YTHDC2: variants seen among roughly 807,000 people sequenced by gnomAD.
YTHDC2 encodes 3'-5' RNA helicase YTHDC2.
In YTHDC2, 45 loss-of-function variants were observed where a neutral mutation model predicts 174.9. The observed-to-expected ratio is 0.26, with a 90% CI of 0.20 to 0.33. The LOEUF (loss-of-function observed/expected upper bound fraction) is 0.33. Ranked by LOEUF, YTHDC2 falls within the 10% of genes least tolerant of loss-of-function variation. YTHDC2 has a pLI of 1.00. For missense variants in YTHDC2, 1,650 were observed against 1,723.7 expected (o/e 0.96, Z 0.76); for synonymous variants, 657 against 574.5 (o/e 1.14, Z -2.05).
intron 26 of YTHDC2, among the ~76,000 whole-genome samples, chr5:113,586,462 T>A (rs891683171): frequency 2.6e-5 from 4 of 151,994 alleles, no homozygotes; most frequent in Non-Finnish European, 5.9e-5. Flanking sequence ...ATGTGGCTTG[T>A]CTTTCCATTT....
chr5:113,568,007 A>G (rs1777460096), intron 23 of YTHDC2, among the ~76,000 whole-genome samples, 158 bp downstream of exon 23: 2 of 152,116 alleles, frequency 1.3e-5, no homozygotes, highest in Non-Finnish European at 2.9e-5. Context: ...ATACTAAGGT[A>G]TACTACTGTT....
At chr5:113,557,261 T>C (rs552127298) in intron 17 of YTHDC2, among the ~76,000 whole-genome samples, 1 of 152,318 alleles carries the variant, frequency 6.6e-6, no homozygotes, top group South Asian at 2.1e-4. Flanking sequence ...AAAGATAACA[T>C]TAAAAAGTAT....
Position 113,513,918 on chromosome 5 carries a change from C to T in YTHDC2, c.23C>T (p.Ser8Phe), listed in dbSNP as rs934276337. MSRPSSV[S>F]PRQPAPGGGG... ...GCAATGTCCAGGCCGAGCAGCGTCTCCCCGCGGCAGCCGGCTCCTGGCGGT... is the reference window on the plus strand; with the variant it reads ...GCAATGTCCAGGCCGAGCAGCGTCTTCCCGCGGCAGCCGGCTCCTGGCGGT... Residue 8 changes from serine (S) to phenylalanine (F), a missense_variant, in exon 1 of 30, where the codon TCC becomes TTC. Physicochemically the swap from Ser to Phe is radical, Grantham distance 155. This residue lies in a region of YTHDC2 where 304 missense variants were observed against 341.4 expected (regional missense o/e 0.89). Coordinates refer to ENST00000161863, the MANE Select transcript of YTHDC2 (RefSeq NM_022828.5). 6.2e-7 allele frequency: 1 copy of T among 1,605,564 alleles called. No individual in the cohort carries two copies. Among genetic ancestry groups the T allele is most frequent in the African/African-American group, 1.3e-5 (1 of 74,652 alleles).
rs546581811 is a variant in YTHDC2 at position 113,515,180 on chromosome 5, A to T, written c.188-92A>T. 10 of 808,216 alleles carry T rather than the reference A, an allele frequency of 1.2e-5. No individual in the cohort carries two copies. The East Asian group carries it at 2.0e-4, about 16-fold the overall frequency. The allele number at this position is 808,216 out of a possible 1,614,324, so 50.1% of individuals were successfully genotyped here. A position where few individuals can be genotyped will look rare whatever the true frequency, so the allele number is the denominator to read the frequency against. The stretch of plus-strand genomic sequence containing the variant: ...TAAAGTATAATAAATTTGATTGTCT[A>T]TGTATGTTTTTCATATTTTGTATCT... On this transcript the variant is annotated intron_variant, in intron 1 of 29. Coordinates refer to ENST00000161863, the MANE Select transcript of YTHDC2 (RefSeq NM_022828.5).
chr5:113,563,949 G>A lies in YTHDC2; in HGVS notation c.2533G>A (p.Val845Ile). ...AGTAGAACCACATCTTGGTAAAATGGTCTTGTGTGCTGTTGTTTTAAAGTG... is the reference window on the plus strand; with the variant it reads ...AGTAGAACCACATCTTGGTAAAATGATCTTGTGTGCTGTTGTTTTAAAGTG... ...LPVEPHLGKM[V>I]LCAVVLKCLD... The change falls in exon 20 of 30, where the codon GTC becomes ATC. Residue 845 changes from valine to isoleucine, a missense_variant. This residue lies in a region of YTHDC2 where 913 missense variants were observed against 940.4 expected (regional missense o/e 0.97). Coordinates refer to ENST00000161863, the MANE Select transcript of YTHDC2 (RefSeq NM_022828.5). The A allele has an allele frequency of 6.2e-7, 1 of 1,614,126 alleles. No homozygotes were observed. The highest frequency in any genetic ancestry group is 8.5e-7 in the Non-Finnish European group (1 of 1,180,016).
In YTHDC2 at chr5:113,538,559, A is replaced by C. The variant is rs185674425; in HGVS notation, c.1103-515A>C. The stretch of plus-strand genomic sequence containing the variant: ...ATGCTGTTTTTCATCATCATTATAC[A>C]CTTTTTATTCTTTTCATATGGCTTT... On this transcript the variant is annotated intron_variant, in intron 7 of 29. Coordinates refer to ENST00000161863, the MANE Select transcript of YTHDC2 (RefSeq NM_022828.5). 2.6e-5 allele frequency among the ~76,000 whole-genome samples: 4 copies of C among 151,976 alleles called. No individual in the cohort carries two copies. In the East Asian group the frequency reaches 5.8e-4, roughly 22 times the overall value.
chr5:113,538,282 G>T (rs559408924), intron 7 of YTHDC2, among the ~76,000 whole-genome samples: 1 of 152,238 alleles, frequency 6.6e-6, no homozygotes, highest in South Asian at 2.1e-4. Context: ...CCATATTGCA[G>T]TCAGAGTGGT....
chr5:113,550,671 A>C (rs1208150997), intron 12 of YTHDC2, among the ~76,000 whole-genome samples: 1 of 152,098 alleles, frequency 6.6e-6, no homozygotes, highest in African/African-American at 2.4e-5. Context: ...AAATACTAAA[A>C]AGGAATGGCT....
At chr5:113,556,391 T>C (rs946339251) in intron 17 of YTHDC2, 3 of 263,212 alleles carry the variant, frequency 1.1e-5, no homozygotes, top group Non-Finnish European at 2.1e-5. Flanking sequence ...CCAAAAATTC[T>C]AAACATATGC....
chr5:113,590,796 A>G (rs1423097915), intron 26 of YTHDC2, among the ~76,000 whole-genome samples: 1 of 152,196 alleles, frequency 6.6e-6, no homozygotes, highest in Non-Finnish European at 1.5e-5. Flanking sequence ...GTATAAACCA[A>G]AGTTGGTACT....
At chr5:113,521,844 C>G (rs1231665089) in intron 2 of YTHDC2, among the ~76,000 whole-genome samples, 1 of 142,058 alleles carries the variant, frequency 7.0e-6, no homozygotes, top group Non-Finnish European at 1.5e-5. Flanking sequence ...AAAAGAAAAA[C>G]CCAGAAAAAT....
At position 113,594,826 on chromosome 5, in the gene YTHDC2, A is replaced by G. The variant is rs1779179039; in HGVS notation, c.*1352A>G. 1 of 152,226 alleles carries G rather than the reference A, an allele frequency of 6.6e-6. No homozygotes were observed. Among genetic ancestry groups the G allele is most frequent in the Non-Finnish European group, 1.5e-5 (1 of 68,042 alleles). The allele number at this position is 152,226 out of a possible 1,614,324, so 9.4% of individuals were successfully genotyped here. On this transcript the variant is annotated 3_prime_UTR_variant, in exon 30 of 30. Coordinates refer to ENST00000161863, the MANE Select transcript of YTHDC2 (RefSeq NM_022828.5). The stretch of plus-strand genomic sequence containing the variant: ...TTTTATATTTGAGAACACGTGAAAA[A>G]TCATGGGTCAACATAAAATCTTGAG...
intron 16 of YTHDC2, 115 bp from the exon 17 acceptor site, chr5:113,555,937 C>A: frequency 7.1e-6 from 4 of 561,428 alleles, no homozygotes; most frequent in East Asian, 3.0e-5. Flanking sequence ...ATTATTTAAT[C>A]AAGAGAGGAC....
At chr5:113,532,855 C>A (rs1024833069) in intron 4 of YTHDC2, 24 bp from the exon 5 acceptor site, 1 of 1,588,876 alleles carries the variant, frequency 6.3e-7, no homozygotes, top group East Asian at 2.2e-5. Context: ...TGTCATCTTA[C>A]AGTTTTTAAA....
chr5:113,545,598 G>C (rs1170580638), intron 10 of YTHDC2, among the ~76,000 whole-genome samples: 1 of 151,972 alleles, frequency 6.6e-6, no homozygotes, highest in Non-Finnish European at 1.5e-5. Flanking sequence ...TTGAAGAGCT[G>C]GCCAGGCTGG....
chr5:113,561,711 C>A (rs1306060636), intron 18 of YTHDC2, among the ~76,000 whole-genome samples: 1 of 152,056 alleles, frequency 6.6e-6, no homozygotes, highest in African/African-American at 2.4e-5. Context: ...TCATGATTCA[C>A]CCGCCTCAGC....
At position 113,579,566 on chromosome 5, in the gene YTHDC2, T is replaced by C. The variant is rs774935765; in HGVS notation, c.3245-20T>C. 2 of 1,544,360 alleles carry C rather than the reference T, an allele frequency of 1.3e-6. No individual in the cohort carries two copies. The highest frequency in any genetic ancestry group is 2.5e-5 in the South Asian group (2 of 80,066). ...GTAAGAAGGTAAAAGTGATTTTTTT[T>C]TCATTATGTACTTGGACAGTGGATG... On this transcript the variant is annotated intron_variant, in intron 23 of 29. Transcript: ENST00000161863.
intron 5 of YTHDC2, among the ~76,000 whole-genome samples, chr5:113,533,973 C>A (rs1774873792): frequency 6.6e-6 from 1 of 152,018 alleles, no homozygotes; most frequent in Non-Finnish European, 1.5e-5. Flanking sequence ...GCCTTCTTGA[C>A]AAGTAGTACT....
Position 113,564,091 on chromosome 5 carries a change from G to A in YTHDC2, c.2675G>A (p.Gly892Glu). 1.2e-6 allele frequency: 2 copies of A among 1,614,098 alleles called. No individual in the cohort carries two copies. The highest frequency in any genetic ancestry group is 1.1e-5 in the South Asian group (1 of 91,074). ...CTTTGTAGGAAACGTTTTACTGCAG[G>A]AGCTTTCAGTGACCATATGGCACTT... The part of the protein sequence containing the change: ...AMLCRKRFTA[G>E]AFSDHMALLR... The change falls in exon 20 of 30, where the codon GGA becomes GAA. Residue 892 changes from glycine (G) to glutamate (E), a missense_variant. Physicochemically the swap from Gly to Glu is moderately conservative, Grantham distance 98 (BLOSUM62 -2). Coordinates refer to ENST00000161863, the MANE Select transcript of YTHDC2 (RefSeq NM_022828.5).
Sources: gnomAD v4.1 joint callset for allele counts (sites outside exome capture counted in the v4.1 genomes callset) on GRCh38, gnomAD v4.1.1 for gene constraint, gnomAD v4.1.1 regional missense constraint, MANE v1.5 for transcripts, NCBI Gene and HGNC (gene_info 2026-07-23, HGNC 2026-07-21) for gene names.